The following GNAO1 variants were observed in gnomAD, a reference collection of about 807,000 sequenced individuals.
The protein encoded by GNAO1 is guanine nucleotide-binding protein G(o) subunit alpha.
For synonymous variants in GNAO1, 164 were observed against 180.7 expected (o/e 0.91, Z 0.74); for missense variants, 166 against 478.7 (o/e 0.35, Z 6.10).
intron 3 of GNAO1, among the ~76,000 whole-genome samples, chr16:56,321,137 T>C (rs1203860759): frequency 6.6e-6 from 1 of 152,078 alleles, no homozygotes; most frequent in African/African-American, 2.4e-5. Context: ...GAGGGGGTCT[T>C]CCTGCAGGAG....
chr16:56,277,215 C>T (rs536083254), intron 3 of GNAO1, among the ~76,000 whole-genome samples: 1 of 152,304 alleles, frequency 6.6e-6, no homozygotes, highest in African/African-American at 2.4e-5. Context: ...AGAAGCTGGG[C>T]ACTAGCAGGG....
intron 2 of GNAO1, chr16:56,194,186 G>GC (rs1360434205): frequency 1.8e-5 from 8 of 456,412 alleles, no homozygotes; most frequent in South Asian, 7.7e-5. Context: ...TCTTCGCAGA[G>GC]CCCCCCTTGG....
intron 2 of GNAO1, among the ~76,000 whole-genome samples, chr16:56,227,789 C>T (rs1393794377): frequency 6.6e-6 from 1 of 151,334 alleles, no homozygotes; most frequent in African/African-American, 2.4e-5. Flanking sequence ...ATTATTTTCC[C>T]TGGTATTATT....
At chr16:56,232,917 C>T (rs1385175440) in intron 2 of GNAO1, among the ~76,000 whole-genome samples, 1 of 152,160 alleles carries the variant, frequency 6.6e-6, no homozygotes, top group Non-Finnish European at 1.5e-5. Context: ...GCCTATAGGC[C>T]ATTTCCATTT....
chr16:56,319,041 C>G (rs2037543990), intron 3 of GNAO1, among the ~76,000 whole-genome samples: 1 of 152,230 alleles, frequency 6.6e-6, no homozygotes, highest in Non-Finnish European at 1.5e-5. Context: ...CCATCATATC[C>G]TTGGCACCTC....
chr16:56,349,842 G>A (rs2037905000), intron 6 of GNAO1, among the ~76,000 whole-genome samples: 2 of 152,174 alleles, frequency 1.3e-5, no homozygotes, highest in East Asian at 1.9e-4. Context: ...ATGTAGGCAC[G>A]GGGGAGATAC....
chr16:56,206,630 A>T (rs143192980), intron 2 of GNAO1, among the ~76,000 whole-genome samples: 2 of 152,336 alleles, frequency 1.3e-5, no homozygotes, highest in Admixed American at 1.3e-4. Flanking sequence ...GTGTATGTTT[A>T]TCGAAAGTCA....
At chr16:56,340,842 G>A in intron 6 of GNAO1, 1 of 1,613,896 alleles carries the variant, frequency 6.2e-7, no homozygotes. Context: ...AGAACCGCAT[G>A]CACGAATCCC....
In GNAO1 at chr16:56,328,731, C is replaced by T; in HGVS notation, c.404C>T (p.Ser135Leu). The T allele has an allele frequency of 6.2e-7, 1 of 1,614,244 alleles. No individual in the cohort carries two copies. Among genetic ancestry groups the T allele is most frequent in the Non-Finnish European group, 8.5e-7 (1 of 1,180,040 alleles). Residue 135 changes from serine (S) to leucine (L), a missense_variant, in exon 4 of 9, where the codon TCA becomes TTA. Physicochemically the swap from Ser to Leu is moderately radical, Grantham distance 145. Transcript: ENST00000262493. ...GCCATGATGCGGCTCTGGGGCGACTCAGGAATCCAAGAGTGCTTCAACCGG... is the reference window on the plus strand; with the variant it reads ...GCCATGATGCGGCTCTGGGGCGACTTAGGAATCCAAGAGTGCTTCAACCGG... The part of the protein sequence containing the change: ...LSAMMRLWGD[S>L]GIQECFNRSR...
chr16:56,320,439 G>A (rs1020244350), intron 3 of GNAO1, among the ~76,000 whole-genome samples: 37 of 152,216 alleles, frequency 2.4e-4, no homozygotes, highest in African/African-American at 8.9e-4. Context: ...TTGCAGGTGA[G>A]AACACTGAGC....
chr16:56,334,134 G>A (rs1231642890), intron 4 of GNAO1, among the ~76,000 whole-genome samples: 1 of 152,200 alleles, frequency 6.6e-6, no homozygotes, highest in African/African-American at 2.4e-5. Context: ...GTATGGCTGT[G>A]CAGCCCTGAG....
At chr16:56,336,638 C>G in intron 5 of GNAO1, 93 bp from the exon 6 acceptor site, 1 of 1,184,248 alleles carries the variant, frequency 8.4e-7, no homozygotes, top group South Asian at 1.5e-5. Context: ...ACCATGGCCC[C>G]CATCCTCTGC....
Position 56,264,794 on chromosome 16 carries a change from G to A in GNAO1, c.162-11137G>A, listed in dbSNP as rs566787754. On this transcript the variant is annotated intron_variant, in intron 2 of 8. Transcript: ENST00000262493. ...TATTACTAATTAATATATTTTTATC[G>A]TATAGTATATAGTATTAATATAGTA... is the stretch of plus-strand genomic sequence containing the variant. 1.9e-3 allele frequency among the ~76,000 whole-genome samples: 277 copies of A among 147,914 alleles called. 1 individual carries two copies. Among genetic ancestry groups the A allele is most frequent in the African/African-American group, 6.4e-3 (261 of 40,654 alleles).
chr16:56,258,650 T>G (rs1338319943), intron 2 of GNAO1, among the ~76,000 whole-genome samples: 1 of 152,112 alleles, frequency 6.6e-6, no homozygotes, highest in Non-Finnish European at 1.5e-5. Flanking sequence ...CCCTGTGGGG[T>G]GGTGTCAGAA....
chr16:56,313,626 C>G lies in GNAO1; in HGVS notation c.304-15005C>G, dbSNP rs565067250. ...GAACAGGGAAGGAGTATTTTACTAG[C>G]CTTTTCAGATAATTATTCTTTGAAA... On this transcript the variant is annotated intron_variant, in intron 3 of 8. Coordinates refer to ENST00000262493, the MANE Select transcript of GNAO1 (RefSeq NM_020988.3). Among the ~76,000 whole-genome samples, 194 of 152,194 alleles carry G rather than the reference C, an allele frequency of 1.3e-3. 1 individual carries two copies. Among genetic ancestry groups the G allele is most frequent in the South Asian group, 9.4e-3 (45 of 4,812 alleles).
chr16:56,289,034 G>GT (rs66971439), intron 3 of GNAO1, among the ~76,000 whole-genome samples: 1 of 73,134 alleles, frequency 1.4e-5, no homozygotes, highest in Non-Finnish European at 3.3e-5. Context: ...ATCCAAAAAA[G>GT]GGGGGGGGAG....
Position 56,351,392 on chromosome 16 carries a change from G to T in GNAO1, c.732G>T (p.Met244Ile). 6.2e-7 allele frequency: 1 copy of T among 1,612,468 alleles called. No homozygotes were observed. The highest frequency in any genetic ancestry group is 8.5e-7 in the Non-Finnish European group (1 of 1,178,692). ...CCTTCCTGCGGCCGCAGAACCGCAT[G>T]CACGAGTCTCTCATGCTCTTCGACT... ...VLHEDETTNR[M>I]HESLMLFDSI... The change falls in exon 7 of 9, where the codon ATG becomes ATT. Residue 244 changes from methionine (M) to isoleucine (I), a missense_variant. Physicochemically the swap from Met to Ile is conservative, Grantham distance 10. Coordinates refer to ENST00000262493, the MANE Select transcript of GNAO1 (RefSeq NM_020988.3). This position sits in a 1 kb window ranked among gnomAD's most constrained non-coding sequence, Gnocchi z 6.1.
At chr16:56,316,667 C>T (rs138999740) in intron 3 of GNAO1, among the ~76,000 whole-genome samples, 100 of 152,312 alleles carry the variant, frequency 6.6e-4, no homozygotes, top group African/African-American at 2.2e-3. Flanking sequence ...GGCCCAGACC[C>T]TGCCTCCCTG....
At chr16:56,347,181 G>A in intron 6 of GNAO1, 1 of 985,418 alleles carries the variant, frequency 1.0e-6, no homozygotes, top group South Asian at 4.7e-5. Flanking sequence ...AGAAGTCTGG[G>A]GCACAGAGCC....
Sources: allele counts gnomAD v4.1 joint callset (sites outside exome capture counted in the v4.1 genomes callset), GRCh38; gene constraint gnomAD v4.1.1; non-coding constraint Gnocchi (gnomAD v3.1); transcripts MANE v1.5; gene names NCBI Gene and HGNC (gene_info 2026-07-23, HGNC 2026-07-21).